The following IRAK1BP1 variants were observed in gnomAD, a reference collection of about 807,000 sequenced individuals.
IRAK1BP1 encodes interleukin 1 receptor associated kinase 1 binding protein 1, also known as interleukin-1 receptor-associated kinase 1-binding protein 1.
Under a neutral mutation model 28.0 loss-of-function variants are expected in IRAK1BP1, and 24 were observed. That is an observed-to-expected ratio of 0.86 (90% confidence interval 0.62 to 1.20). The LOEUF is 1.20. Ranked by LOEUF, IRAK1BP1 falls within the 50% of genes most tolerant of loss-of-function variation. The probability of loss-of-function intolerance (pLI) is 0.00; values close to 1 mark genes in which losing one functional copy is unlikely to be tolerated. For missense variants in IRAK1BP1, 336 were observed against 316.7 expected, an observed-to-expected ratio of 1.06 and a Z score of -0.46; for synonymous variants, 131 against 116.3, an observed-to-expected ratio of 1.13 and a Z score of -0.81.
intron 4 of IRAK1BP1, chr6:78,941,257 A>T: frequency 6.2e-7 from 1 of 1,613,570 alleles, no homozygotes; most frequent in South Asian, 1.1e-5. Context: ...CCCTCTTCAC[A>T]AGTTTTGATG....
downstream of IRAK1BP1, among the ~76,000 whole-genome samples, chr6:78,906,850 G>GTATT (rs1260784480): frequency 2.0e-5 from 3 of 151,994 alleles, no homozygotes; most frequent in Non-Finnish European, 4.4e-5. Flanking sequence ...CCAAAAAGAG[G>GTATT]TATTAATTAA....
chr6:78,924,226 A>C (rs1383553900), intron 4 of IRAK1BP1, among the ~76,000 whole-genome samples: 1 of 152,234 alleles, frequency 6.6e-6, no homozygotes, highest in Non-Finnish European at 1.5e-5. Context: ...AAAAAATGAT[A>C]AAGGGGATAT....
At chr6:78,942,462 G>A (rs1196963185) in intron 4 of IRAK1BP1, among the ~76,000 whole-genome samples, 1 of 152,102 alleles carries the variant, frequency 6.6e-6, no homozygotes, top group African/African-American at 2.4e-5. Context: ...CAGCCTGGGC[G>A]ACAAGAGGGA....
rs187948550 is a variant in IRAK1BP1, at chr6:78,870,630, G to C, written c.315+2739G>C. ...CTTCTAGCGTGGTTTTCATTGAAAAGTGTTTTAAAGTTCTAAGCAATATTT... is the reference window on the plus strand; with the variant it reads ...CTTCTAGCGTGGTTTTCATTGAAAACTGTTTTAAAGTTCTAAGCAATATTT... On this transcript the variant is annotated intron_variant, in intron 1 of 3. Transcript: ENST00000369940. Among the ~76,000 whole-genome samples, 499 of 152,282 alleles carry C rather than the reference G, an allele frequency of 3.3e-3. 3 individuals are homozygous for C. The highest frequency in any genetic ancestry group is 3.9e-3 in the Non-Finnish European group (263 of 68,024).
intron 2 of IRAK1BP1, among the ~76,000 whole-genome samples, chr6:78,893,409 TA>T (rs1181545882): frequency 6.8e-6 from 1 of 146,580 alleles, no homozygotes; most frequent in Non-Finnish European, 1.5e-5. Context: ...AAAGACCAAT[TA>T]AAGACCTTTC....
At chr6:78,962,771 T>C in the IRAK1BP1 span, among the ~76,000 whole-genome samples, 2 of 152,148 alleles carry the variant, frequency 1.3e-5, no homozygotes, top group Non-Finnish European at 2.9e-5. Context: ...CAGCTTTCAA[T>C]CCTCCTCCTC....
At chr6:78,939,837 C>CA (rs1562108267) in intron 4 of IRAK1BP1, 1 of 152,126 alleles carries the variant, frequency 6.6e-6, no homozygotes. Context: ...CTATTAGTAC[C>CA]AAAAAAAGAT....
At chr6:78,975,996 C>A in the IRAK1BP1 span, among the ~76,000 whole-genome samples, 23 of 151,650 alleles carry the variant, frequency 1.5e-4, 1 homozygote, top group African/African-American at 3.1e-4. Context: ...GCTACCAATG[C>A]CTTTCTTCAC....
At chr6:78,971,947 G>C in the IRAK1BP1 span, among the ~76,000 whole-genome samples, 5 of 152,088 alleles carry the variant, frequency 3.3e-5, no homozygotes, top group African/African-American at 4.8e-5. Context: ...AGCGAGGCTG[G>C]GGGAGGGGCG....
Position 78,884,764 on chromosome 6 carries a change from G to T in IRAK1BP1, c.316-614G>T, listed in dbSNP as rs1259002878. Among the ~76,000 whole-genome samples, 4 of 152,182 alleles carry T rather than the reference G, an allele frequency of 2.6e-5. No homozygotes were observed. In the East Asian group the frequency reaches 5.8e-4, roughly 22 times the overall value. ...TTGGTAATTTTGTATTAAAATATTT[G>T]TAAATTAAATATTTTTTAAAACACT... is the stretch of plus-strand genomic sequence containing the variant. On this transcript the variant is annotated intron_variant, in intron 1 of 3. Coordinates refer to ENST00000369940, the MANE Select transcript of IRAK1BP1 (RefSeq NM_001010844.4).
Position 78,882,009 on chromosome 6 carries a change from G to GTA in IRAK1BP1, c.316-3361_316-3360dup, listed in dbSNP as rs552426852. Reference sequence around the variant, plus strand: ...TACATGTAAGTTAGTATCTGTGTGCGTATATATATGTCTATGCATATATAT... The same window carrying GTA: ...TACATGTAAGTTAGTATCTGTGTGCGTATATATATATGTCTATGCATATATAT... On this transcript the variant is annotated intron_variant, in intron 1 of 3. Transcript: ENST00000369940. Among the ~76,000 whole-genome samples the GTA allele has an allele frequency of 4.5e-3, 678 of 152,130 alleles. 2 individuals carry two copies. Among genetic ancestry groups the GTA allele is most frequent in the Non-Finnish European group, 6.6e-3 (451 of 67,978 alleles).
chr6:78,947,727 C>G (rs780615780), downstream of IRAK1BP1: 2 of 1,604,442 alleles, frequency 1.2e-6, no homozygotes, highest in African/African-American at 2.7e-5. Context: ...TCTAAAGTTT[C>G]TCTAACGGTA....
At chr6:78,926,836 G>T (rs1445746800) in intron 4 of IRAK1BP1, among the ~76,000 whole-genome samples, 1 of 151,988 alleles carries the variant, frequency 6.6e-6, no homozygotes, top group Non-Finnish European at 1.5e-5. Flanking sequence ...CCCTTAACAT[G>T]ATGACCTCAG....
At chr6:78,957,312 T>C in the IRAK1BP1 span, 7 of 151,992 alleles carry the variant, frequency 4.6e-5, no homozygotes, top group East Asian at 1.4e-3. Flanking sequence ...TTATAAAAAA[T>C]TACAGACATA....
the IRAK1BP1 span, among the ~76,000 whole-genome samples, chr6:78,979,404 A>G: frequency 2.6e-5 from 4 of 152,124 alleles, no homozygotes; most frequent in South Asian, 6.2e-4. Context: ...AACATTCCAT[A>G]TAACAAACCA....
At chr6:78,931,760 G>C (rs1246472357) in intron 4 of IRAK1BP1, among the ~76,000 whole-genome samples, 2 of 152,180 alleles carry the variant, frequency 1.3e-5, no homozygotes, top group African/African-American at 4.8e-5. Flanking sequence ...CTGGTGGAGG[G>C]TCTCGCTCCA....
intron 4 of IRAK1BP1, among the ~76,000 whole-genome samples, chr6:78,924,998 A>T (rs1386199572): frequency 6.6e-6 from 1 of 152,198 alleles, no homozygotes; most frequent in Non-Finnish European, 1.5e-5. Flanking sequence ...ATAAAAAATG[A>T]TGAGTTCATG....
At chr6:78,970,727 C>A in the IRAK1BP1 span, 2 of 1,166,592 alleles carry the variant, frequency 1.7e-6, no homozygotes, top group South Asian at 2.7e-5. Context: ...ACAATTTTCT[C>A]CAAATTCCAT....
intron 4 of IRAK1BP1, among the ~76,000 whole-genome samples, chr6:78,910,351 C>A (rs1374942179): frequency 6.6e-6 from 1 of 152,154 alleles, no homozygotes; most frequent in Non-Finnish European, 1.5e-5. Context: ...GTCTGTGTGT[C>A]CACCATAGTC....
Sources: allele counts gnomAD v4.1 joint callset (sites outside exome capture counted in the v4.1 genomes callset), GRCh38; gene constraint gnomAD v4.1.1; transcripts MANE v1.5; gene names NCBI Gene and HGNC (gene_info 2026-07-23, HGNC 2026-07-21).